DEFB131B: variants seen among roughly 807,000 people sequenced by gnomAD.
DEFB131B encodes beta-defensin 131B.
DEFB131B carries 2 observed loss-of-function variants against 2.1 expected under a neutral mutation model. That is an observed-to-expected ratio of 0.94 (90% CI 0.38 to 2.95). The LOEUF is 2.95. Among genes scored for constraint, DEFB131B ranks in the 30% most tolerant of loss-of-function variants. DEFB131B has a pLI of 0.09. For missense variants in DEFB131B, 77 were observed against 78.5 expected, an observed-to-expected ratio of 0.98 and a Z score of 0.07; for synonymous variants, 26 against 25.8, an observed-to-expected ratio of 1.01 and a Z score of -0.03.
At chr11:71,882,781 A>G (rs1358153811) in intron 1 of DEFB131B, among the ~76,000 whole-genome samples, 1 of 152,218 alleles carries the variant, frequency 6.6e-6, no homozygotes, top group Admixed American at 6.5e-5. Flanking sequence ...AATGGCATCC[A>G]AACTGTTGGG....
chr11:71,884,551 AG>A lies in DEFB131B; in HGVS notation c.204del (p.Lys69SerfsTer?), dbSNP rs777264448. On this transcript the variant is annotated frameshift_variant, in exon 2 of 2. Transcript: ENST00000530210. LOFTEE classifies it high-confidence loss of function. Reference protein sequence around the residue: ...KLKIIQIDGQKKW With the variant: ...KLKIIQIDGQXKW ...AAGATCATTCAAATTGATGGACAAA[AG>A]AAGTGGTGAAAATTCTAACTCCATC... 1 of 1,603,748 alleles carries A rather than the reference AG, an allele frequency of 6.2e-7. No individual in the cohort carries two copies. The highest frequency in any genetic ancestry group is 2.2e-5 in the East Asian group (1 of 44,560).
intron 1 of DEFB131B, among the ~76,000 whole-genome samples, chr11:71,881,857 A>G (rs1364538355): frequency 6.6e-6 from 1 of 152,200 alleles, no homozygotes. Context: ...ATATTTAATA[A>G]GTGTAGGCCA....
At chr11:71,884,075 A>C (rs1952597322) in intron 1 of DEFB131B, among the ~76,000 whole-genome samples, 1 of 152,156 alleles carries the variant, frequency 6.6e-6, no homozygotes, top group Non-Finnish European at 1.5e-5. Context: ...TAAGAATTTA[A>C]CTCCAGAAAT....
Position 71,878,795 on chromosome 11 carries a change from G to A in DEFB131B, c.58+285G>A, listed in dbSNP as rs1021767903. Among the ~76,000 whole-genome samples, 63 of 151,816 alleles carry A rather than the reference G, an allele frequency of 4.1e-4. 1 individual carries two copies. Among genetic ancestry groups the A allele is most frequent in the African/African-American group, 1.3e-3 (53 of 41,368 alleles). On this transcript the variant is annotated intron_variant, in intron 1 of 1. Transcript: ENST00000530210. ...GAGCTTGGGAGTTCTAGACCAGCCCGGTGGGGGCAACAGGGTGAAACCCCA... is the reference window on the plus strand; with the variant it reads ...GAGCTTGGGAGTTCTAGACCAGCCCAGTGGGGGCAACAGGGTGAAACCCCA...
chr11:71,879,804 C>A (rs1404083353), intron 1 of DEFB131B, among the ~76,000 whole-genome samples: 1 of 152,082 alleles, frequency 6.6e-6, no homozygotes, highest in Non-Finnish European at 1.5e-5. Flanking sequence ...TATGTATATT[C>A]CTATTCTGGA....
Position 71,878,871 on chromosome 11 carries a change from G to A in DEFB131B, c.58+361G>A, listed in dbSNP as rs546251331. 2.3e-4 allele frequency among the ~76,000 whole-genome samples: 35 copies of A among 152,156 alleles called. No individual in the cohort carries two copies. The South Asian group carries it at 5.8e-3, about 25-fold the overall frequency. Reference sequence around the variant, plus strand: ...AAAAATTAGTCAGGTATAGTGGCGCGTGCCTGTGGTTCTGGCTGCTCAGGA... The same window carrying A: ...AAAAATTAGTCAGGTATAGTGGCGCATGCCTGTGGTTCTGGCTGCTCAGGA... On this transcript the variant is annotated intron_variant, in intron 1 of 1. Transcript: ENST00000530210.
At chr11:71,882,296 C>A (rs573431977) in intron 1 of DEFB131B, among the ~76,000 whole-genome samples, 103 of 152,090 alleles carry the variant, frequency 6.8e-4, no homozygotes, top group African/African-American at 2.2e-3. Flanking sequence ...CACTTTGTCA[C>A]CCAGGCTGGA....
chr11:71,882,749 A>T (rs1952578693), intron 1 of DEFB131B, among the ~76,000 whole-genome samples: 1 of 152,234 alleles, frequency 6.6e-6, no homozygotes, highest in African/African-American at 2.4e-5. Context: ...TAGCAAGAAC[A>T]ATTAGGCAAG....
At chr11:71,882,905 A>G (rs1209422014) in intron 1 of DEFB131B, among the ~76,000 whole-genome samples, 1 of 152,240 alleles carries the variant, frequency 6.6e-6, no homozygotes, top group African/African-American at 2.4e-5. Flanking sequence ...GTAAAGTTGC[A>G]GGATAGAAAA....
At chr11:71,884,378 G>T (rs1282634941) in intron 1 of DEFB131B, 29 bp from the exon 2 acceptor site, 5 of 1,549,886 alleles carry the variant, frequency 3.2e-6, no homozygotes, top group Non-Finnish European at 4.4e-6. Context: ...GTAATATTGT[G>T]TCATATAATT....
chr11:71,880,439 A>G (rs1271366842), intron 1 of DEFB131B, among the ~76,000 whole-genome samples: 2 of 152,112 alleles, frequency 1.3e-5, no homozygotes, highest in African/African-American at 4.8e-5. Context: ...AGCAGTTTAT[A>G]AAGTCTGTTT....
intron 1 of DEFB131B, 108 bp from the exon 2 acceptor site, chr11:71,884,299 T>A: frequency 7.7e-7 from 1 of 1,294,874 alleles, no homozygotes; most frequent in Non-Finnish European, 1.0e-6. Flanking sequence ...GTTTTTGTTT[T>A]TCTGGGAAAG....
chr11:71,883,955 CCAT>C (rs1439850830), intron 1 of DEFB131B, among the ~76,000 whole-genome samples: 1 of 152,174 alleles, frequency 6.6e-6, no homozygotes, highest in African/African-American at 2.4e-5. Context: ...TTTTCCACCA[CCAT>C]ATCTCTTCAC....
At chr11:71,880,250 T>A (rs1431118455) in intron 1 of DEFB131B, among the ~76,000 whole-genome samples, 2 of 152,120 alleles carry the variant, frequency 1.3e-5, no homozygotes, top group African/African-American at 4.8e-5. Context: ...TTGGGAAAGT[T>A]AGATTGATTA....
intron 1 of DEFB131B, among the ~76,000 whole-genome samples, chr11:71,882,333 T>TG (rs1429173824): frequency 6.6e-6 from 1 of 152,268 alleles, no homozygotes; most frequent in East Asian, 1.9e-4. Context: ...CTTGGCTCAC[T>TG]GCAGCCTCCG....
chr11:71,884,270 C>T, intron 1 of DEFB131B, 137 bp from the exon 2 acceptor site: 1 of 1,045,488 alleles, frequency 9.6e-7, no homozygotes. Context: ...CACTTTTTCT[C>T]TTGCATTCTT....
At chr11:71,882,485 C>A (rs1952574891) in intron 1 of DEFB131B, among the ~76,000 whole-genome samples, 2 of 152,190 alleles carry the variant, frequency 1.3e-5, no homozygotes, top group Non-Finnish European at 2.9e-5. Context: ...CCCGCCTTGG[C>A]CTCCCAAAGT....
At chr11:71,882,738 C>G (rs1311758942) in intron 1 of DEFB131B, among the ~76,000 whole-genome samples, 1 of 152,106 alleles carries the variant, frequency 6.6e-6, no homozygotes, top group Admixed American at 6.5e-5. Flanking sequence ...TCTAAAAGTT[C>G]TAGCAAGAAC....
At chr11:71,881,279 C>T (rs1952560087) in intron 1 of DEFB131B, among the ~76,000 whole-genome samples, 2 of 152,108 alleles carry the variant, frequency 1.3e-5, no homozygotes, top group South Asian at 4.1e-4. Flanking sequence ...TTCTTTGTCT[C>T]TTTTTATGTT....
Sources: allele counts gnomAD v4.1 joint callset (sites outside exome capture counted in the v4.1 genomes callset), GRCh38; gene constraint gnomAD v4.1.1; transcripts MANE v1.5; gene names NCBI Gene and HGNC (gene_info 2026-07-23, HGNC 2026-07-21).